The following WDR59 variants were observed in gnomAD, a reference collection of about 807,000 sequenced individuals.
WDR59 encodes the protein GATOR2 complex protein WDR59.
In WDR59, 100 loss-of-function variants were observed where a neutral mutation model predicts 131.2. That is an observed-to-expected ratio of 0.76 (90% CI 0.65 to 0.90). The LOEUF (loss-of-function observed/expected upper bound fraction) is 0.90, where lower values mean the gene tolerates loss of function less well. Among genes scored for constraint, WDR59 ranks in the 40% least tolerant of loss-of-function variants. The pLI is 0.00. For missense variants in WDR59, 1,203 were observed against 1,262.2 expected (o/e 0.95, Z 0.71); for synonymous variants, 601 against 466.2 (o/e 1.29, Z -3.72).
intron 1 of WDR59, among the ~76,000 whole-genome samples, chr16:74,974,136 C>G (rs987506095): frequency 2.0e-5 from 3 of 152,112 alleles, no homozygotes; most frequent in Admixed American, 6.6e-5. Context: ...TGCCACTGCA[C>G]TCCAACATGG....
At position 74,948,509 on chromosome 16, in the gene WDR59, A is replaced by G. The variant is rs780243549; in HGVS notation, c.445+10T>C. 1.2e-5 allele frequency: 19 copies of G among 1,612,862 alleles called. No homozygotes were observed. The Middle Eastern group carries it at 4.9e-4, about 42-fold the overall frequency. ...GGCGCCAGGGTGAGGTGGGAGAAGC[A>G]TACACTCACCAACAGCAGACAGTGC... On this transcript the variant is annotated intron_variant, in intron 6 of 25. Transcript: ENST00000262144.
chr16:74,948,859 C>T (rs2032813751), intron 5 of WDR59, among the ~76,000 whole-genome samples: 1 of 152,024 alleles, frequency 6.6e-6, no homozygotes. Flanking sequence ...AAATTAGCCA[C>T]GTGTGGCAGG....
rs11557260 is a variant in WDR59, at chr16:74,938,200, G to A, written c.601C>T (p.Pro201Ser). 3.8e-6 allele frequency: 6 copies of A among 1,572,880 alleles called. No individual in the cohort carries two copies. The highest frequency in any genetic ancestry group is 1.4e-5 in the African/African-American group (1 of 72,826). ...LSKIHGLDWH[P>S]DSEHILATSS... ...GTAGCAAGAATGTGCTCGCTGTCTG[G>A]GTGCCAGTCCAGGCCATGGATTTTG... The change falls in exon 8 of 26, where the codon CCA becomes TCA. Residue 201 changes from proline to serine, a missense_variant. Coordinates refer to ENST00000262144, the MANE Select transcript of WDR59 (RefSeq NM_030581.4).
chr16:74,942,936 C>A, intron 6 of WDR59, 110 bp from the exon 7 acceptor site: 1 of 939,568 alleles, frequency 1.1e-6, no homozygotes, highest in Non-Finnish European at 1.6e-6. Context: ...AAGCCCAGAA[C>A]CCTTCAAGTT....
chr16:74,979,908 G>C (rs578172930), intron 1 of WDR59, among the ~76,000 whole-genome samples: 46 of 141,830 alleles, frequency 3.2e-4, no homozygotes, highest in Non-Finnish European at 5.1e-4. Flanking sequence ...GAGTGCAATG[G>C]CGTGATCTCA....
chr16:74,941,801 T>A (rs1400645171), intron 7 of WDR59, among the ~76,000 whole-genome samples: 1 of 152,114 alleles, frequency 6.6e-6, no homozygotes, highest in Non-Finnish European at 1.5e-5. Context: ...TTCCCCAGCA[T>A]GTCCTGGAGC....
At position 74,976,000 on chromosome 16, in the gene WDR59, C is replaced by A. The variant is rs572506029; in HGVS notation, c.54+8964G>T. On this transcript the variant is annotated intron_variant, in intron 1 of 25. Coordinates refer to ENST00000262144, the MANE Select transcript of WDR59 (RefSeq NM_030581.4). Reference sequence around the variant, plus strand: ...ACCCCCATCTCGATGTTAAAATACACATATATAAATTTATTTAAAAAAGAA... The same window carrying A: ...ACCCCCATCTCGATGTTAAAATACAAATATATAAATTTATTTAAAAAAGAA... 3.3e-5 allele frequency among the ~76,000 whole-genome samples: 5 copies of A among 152,098 alleles called. 1 individual carries two copies. The East Asian group carries it at 9.6e-4, about 29-fold the overall frequency.
At chr16:74,876,131 T>C (rs1188845217) in intron 25 of WDR59, among the ~76,000 whole-genome samples, 1 of 152,140 alleles carries the variant, frequency 6.6e-6, no homozygotes, top group East Asian at 1.9e-4. Flanking sequence ...GGCTGCTCTG[T>C]TGAATGACAA....
chr16:74,897,396 C>T (rs1280397812), intron 18 of WDR59, among the ~76,000 whole-genome samples: 1 of 152,208 alleles, frequency 6.6e-6, no homozygotes, highest in Admixed American at 6.5e-5. Flanking sequence ...AGGGACTCTT[C>T]CCCCATTTGC....
At chr16:74,890,909 T>C (rs1220761302) in intron 20 of WDR59, among the ~76,000 whole-genome samples, 1 of 150,650 alleles carries the variant, frequency 6.6e-6, no homozygotes, top group African/African-American at 2.4e-5. Context: ...AGGTCAGGAG[T>C]ACGAGACCAG....
chr16:74,894,914 C>G (rs531525520), intron 18 of WDR59, among the ~76,000 whole-genome samples: 8 of 152,258 alleles, frequency 5.3e-5, no homozygotes, highest in African/African-American at 1.7e-4. Context: ...AAAGTGTACT[C>G]TAGAAACATG....
At chr16:74,950,526 G>A (rs373289875) in intron 4 of WDR59, among the ~76,000 whole-genome samples, 4 of 152,314 alleles carry the variant, frequency 2.6e-5, no homozygotes, top group African/African-American at 9.6e-5. Flanking sequence ...GGCCTGTGGT[G>A]TCCCCTACCC....
chr16:74,902,975 C>A (rs913936626), intron 18 of WDR59, among the ~76,000 whole-genome samples: 1 of 151,954 alleles, frequency 6.6e-6, no homozygotes, highest in African/African-American at 2.4e-5. Flanking sequence ...CAAGACTGGT[C>A]TGGTCTCAAA....
chr16:74,976,912 C>A (rs1044525103), intron 1 of WDR59, among the ~76,000 whole-genome samples: 1 of 152,046 alleles, frequency 6.6e-6, no homozygotes, highest in Non-Finnish European at 1.5e-5. Flanking sequence ...GAGGCCAAGG[C>A]AGGAGGATCA....
intron 18 of WDR59, among the ~76,000 whole-genome samples, chr16:74,897,278 C>T (rs919681734): frequency 6.6e-6 from 1 of 152,168 alleles, no homozygotes; most frequent in East Asian, 1.9e-4. Flanking sequence ...AGATTCAGAC[C>T]AAGATGCTGC....
At chr16:74,899,886 G>T in intron 18 of WDR59, 1 of 650,910 alleles carries the variant, frequency 1.5e-6, no homozygotes, top group Non-Finnish European at 2.3e-6. Flanking sequence ...ACACTGTACA[G>T]TTGGGATGGG....
At chr16:74,943,145 T>C (rs1413723577) in intron 6 of WDR59, among the ~76,000 whole-genome samples, 1 of 152,092 alleles carries the variant, frequency 6.6e-6, no homozygotes, top group Non-Finnish European at 1.5e-5. Context: ...TGCTGGCTAG[T>C]AATTGACTTG....
At position 74,972,672 on chromosome 16, in the gene WDR59, T is replaced by A. The variant is rs1597816703; in HGVS notation, c.55-6850A>T. 2.0e-5 allele frequency among the ~76,000 whole-genome samples: 3 copies of A among 149,608 alleles called. No homozygotes were observed. In the South Asian group the frequency reaches 6.4e-4, roughly 32 times the overall value. On this transcript the variant is annotated intron_variant, in intron 1 of 25. Transcript: ENST00000262144. Reference sequence around the variant, plus strand: ...AACATGGCTACTAAAAATACAAAAATTAGCCAGGCGTGGTGGCGCACACCT... The same window carrying A: ...AACATGGCTACTAAAAATACAAAAAATAGCCAGGCGTGGTGGCGCACACCT...
At chr16:74,960,720 C>T (rs1411981812) in intron 2 of WDR59, among the ~76,000 whole-genome samples, 1 of 145,978 alleles carries the variant, frequency 6.9e-6, no homozygotes, top group Non-Finnish European at 1.5e-5. Flanking sequence ...TGCACTCCAG[C>T]CTTGGTGACA....
Sources: allele counts gnomAD v4.1 joint callset (sites outside exome capture counted in the v4.1 genomes callset), GRCh38; gene constraint gnomAD v4.1.1; transcripts MANE v1.5; gene names NCBI Gene and HGNC (gene_info 2026-07-23, HGNC 2026-07-21).